Variants in CATSPERB observed in about 807,000 individuals in gnomAD.
CATSPERB encodes cation channel sperm-associated auxiliary subunit beta.
A neutral mutation model predicts 128.3 loss-of-function variants in CATSPERB; 93 were observed. The observed-to-expected ratio is 0.72, with a 90% confidence interval of 0.61 to 0.86. The LOEUF (loss-of-function observed/expected upper bound fraction) is 0.86, where lower values mean the gene tolerates loss of function less well. Ranked by LOEUF, CATSPERB falls within the 40% of genes least tolerant of loss-of-function variation. The pLI is 0.00. For synonymous variants in CATSPERB, 381 were observed against 448.8 expected, an observed-to-expected ratio of 0.85 and a Z score of 1.91; for missense variants, 1,153 against 1,329.5, an observed-to-expected ratio of 0.87 and a Z score of 2.06.
chr14:91,700,398 G>T (rs1447068039), intron 7 of CATSPERB, among the ~76,000 whole-genome samples: 4 of 152,182 alleles, frequency 2.6e-5, no homozygotes, highest in Middle Eastern at 3.4e-3. Context: ...GCCGATTTTG[G>T]TATCAGGGTG....
intron 7 of CATSPERB, among the ~76,000 whole-genome samples, chr14:91,697,331 T>A (rs1010141774): frequency 2.0e-5 from 3 of 151,822 alleles, no homozygotes; most frequent in African/African-American, 7.3e-5. Flanking sequence ...CAGAGGAAAA[T>A]AAGGATGTTG....
intron 19 of CATSPERB, among the ~76,000 whole-genome samples, chr14:91,618,957 C>T (rs1420186617): frequency 6.6e-6 from 1 of 152,176 alleles, no homozygotes; most frequent in African/African-American, 2.4e-5. Flanking sequence ...GGGACCACAC[C>T]TTCAGTAGAT....
chr14:91,581,225 A>G lies in CATSPERB; in HGVS notation c.3133-118T>C, dbSNP rs879179995. ...AAACGCTGCCCAGAGTTACAAAGAC[A>G]TTCAGCATCCACAAAGCTTGGAAAC... On this transcript the variant is annotated intron_variant, in intron 26 of 26. Transcript: ENST00000256343. The G allele has an allele frequency of 8.0e-6, 6 of 754,214 alleles. No homozygotes were observed. The East Asian group carries it at 1.6e-4, about 20-fold the overall frequency. The allele number at this position is 754,214 out of a possible 1,614,324, so 46.7% of individuals were successfully genotyped here. A position where few individuals can be genotyped will look rare whatever the true frequency, so the allele number is the denominator to read the frequency against.
At chr14:91,622,882 G>GT in intron 18 of CATSPERB, among the ~76,000 whole-genome samples, 1 of 141,316 alleles carries the variant, frequency 7.1e-6, no homozygotes, top group Non-Finnish European at 1.5e-5. Flanking sequence ...TTTTGTCAAA[G>GT]TTCTCAATGA....
rs1895719001 is a variant in CATSPERB, at chr14:91,705,461, C to A, written c.467-760G>T. The stretch of plus-strand genomic sequence containing the variant: ...AATGAGATGCAGAAGAGAAAGCAAT[C>A]AGAGGTGAAGCATCTCCAATGCAGC... On this transcript the variant is annotated intron_variant, in intron 6 of 26. Coordinates refer to ENST00000256343, the MANE Select transcript of CATSPERB (RefSeq NM_024764.4). Among the ~76,000 whole-genome samples, 3 of 152,006 alleles carry A rather than the reference C, an allele frequency of 2.0e-5. No homozygotes were observed. The South Asian group carries it at 6.2e-4, about 31-fold the overall frequency.
chr14:91,686,664 C>T (rs1416398050), intron 10 of CATSPERB, among the ~76,000 whole-genome samples: 1 of 152,006 alleles, frequency 6.6e-6, no homozygotes, highest in Non-Finnish European at 1.5e-5. Context: ...AATATCCTTG[C>T]TAATTATAAA....
intron 7 of CATSPERB, among the ~76,000 whole-genome samples, chr14:91,695,486 A>G (rs1423479188): frequency 6.6e-6 from 1 of 152,194 alleles, no homozygotes; most frequent in African/African-American, 2.4e-5. Flanking sequence ...CTATCACATG[A>G]CCAGATTCTT....
At chr14:91,695,495 T>A (rs571478007) in intron 7 of CATSPERB, among the ~76,000 whole-genome samples, 162 of 152,230 alleles carry the variant, frequency 1.1e-3, no homozygotes, top group African/African-American at 3.9e-3. Context: ...GACCAGATTC[T>A]TGCAAAAAAA....
intron 15 of CATSPERB, among the ~76,000 whole-genome samples, chr14:91,652,587 C>T (rs1282396588): frequency 7.1e-6 from 1 of 141,034 alleles, no homozygotes; most frequent in Non-Finnish European, 1.5e-5. Context: ...AGGAGAATCG[C>T]TTGAACCCGG....
intron 13 of CATSPERB, among the ~76,000 whole-genome samples, chr14:91,670,968 A>T (rs981022171): frequency 4.6e-5 from 7 of 152,126 alleles, no homozygotes; most frequent in Non-Finnish European, 8.8e-5. Context: ...GCTCCACTGC[A>T]CTCCAGCCTG....
At chr14:91,700,488 A>C (rs1300361725) in intron 7 of CATSPERB, among the ~76,000 whole-genome samples, 2 of 152,150 alleles carry the variant, frequency 1.3e-5, no homozygotes, top group Non-Finnish European at 2.9e-5. Context: ...GATTGGTGCC[A>C]GCTCTTCTTT....
chr14:91,708,008 T>A (rs1895764530), intron 6 of CATSPERB, 133 bp downstream of exon 6: 1 of 664,392 alleles, frequency 1.5e-6, no homozygotes, highest in Non-Finnish European at 2.6e-6. Context: ...GCCTCAAGGG[T>A]CATGATTATC....
At position 91,681,093 on chromosome 14, in the gene CATSPERB, T is replaced by A. The variant is rs79246890; in HGVS notation, c.931+2784A>T. 8.8e-3 allele frequency among the ~76,000 whole-genome samples: 1,337 copies of A among 152,294 alleles called. 5 individuals are homozygous for A. Among genetic ancestry groups the A allele is most frequent in the Non-Finnish European group, 0.015 (1,005 of 68,030 alleles). On this transcript the variant is annotated intron_variant, in intron 11 of 26. Transcript: ENST00000256343. ...ATGTTATATGCATGTTCGTTCAATA[T>A]GCATGTGTCAGGACCACTTTCATAA...
chr14:91,616,142 A>G (rs1262312916), intron 20 of CATSPERB, among the ~76,000 whole-genome samples: 1 of 152,120 alleles, frequency 6.6e-6, no homozygotes, highest in South Asian at 2.1e-4. Flanking sequence ...TGGCCTCCCA[A>G]AGTGCTGGGA....
At chr14:91,629,511 G>T (rs8010970) in intron 17 of CATSPERB, among the ~76,000 whole-genome samples, 1 of 151,978 alleles carries the variant, frequency 6.6e-6, no homozygotes, top group African/African-American at 2.4e-5. Context: ...CCTAATGTAG[G>T]TACGTACGCT....
chr14:91,704,796 A>G (rs1055470777), intron 6 of CATSPERB, 95 bp from the exon 7 acceptor site: 1 of 1,299,922 alleles, frequency 7.7e-7, no homozygotes, highest in Non-Finnish European at 1.1e-6. Context: ...TATGTAAAGA[A>G]ACTATTCTAT....
At chr14:91,700,281 C>A (rs1356924820) in intron 7 of CATSPERB, among the ~76,000 whole-genome samples, 2 of 152,162 alleles carry the variant, frequency 1.3e-5, no homozygotes, top group Non-Finnish European at 2.9e-5. Flanking sequence ...TTTATGACTG[C>A]ATAGTAATAC....
chr14:91,627,179 G>A (rs2139793372), intron 17 of CATSPERB, among the ~76,000 whole-genome samples: 1 of 152,260 alleles, frequency 6.6e-6, no homozygotes. Flanking sequence ...GCTATGGTTT[G>A]CATGTATCTC....
chr14:91,645,802 C>G (rs1417968862), intron 15 of CATSPERB, among the ~76,000 whole-genome samples: 4 of 148,898 alleles, frequency 2.7e-5, no homozygotes, highest in African/African-American at 9.9e-5. Context: ...CGCCCCTCCC[C>G]CAGCCTCGCT....
Sources: gnomAD v4.1 joint callset for allele counts (sites outside exome capture counted in the v4.1 genomes callset) on GRCh38, gnomAD v4.1.1 for gene constraint, MANE v1.5 for transcripts, NCBI Gene and HGNC (gene_info 2026-07-23, HGNC 2026-07-21) for gene names.